CSMD1: variants seen among roughly 807,000 people sequenced by gnomAD.
The protein encoded by CSMD1 is CUB and Sushi multiple domains 1.
CSMD1 carries 213 observed loss-of-function variants against 417.5 expected under a neutral mutation model. The observed-to-expected ratio is 0.51, with a 90% CI of 0.46 to 0.57. The LOEUF (loss-of-function observed/expected upper bound fraction) is 0.57, where lower values mean the gene tolerates loss of function less well. CSMD1 is among the 20% of genes least tolerant of loss of function. The pLI is 0.00. For synonymous variants in CSMD1, 2,862 were observed against 1,736.8 expected, an observed-to-expected ratio of 1.65 and a Z score of -16.11; for missense variants, 6,923 against 4,529.7, an observed-to-expected ratio of 1.53 and a Z score of -15.17.
chr8:3,671,254 A>G (rs1799018789), intron 7 of CSMD1, among the ~76,000 whole-genome samples: 3 of 144,870 alleles, frequency 2.1e-5, no homozygotes, highest in Admixed American at 7.1e-5. Context: ...TGGGATATAT[A>G]TATGTATATA....
chr8:4,677,361 C>G (rs1805762877), intron 1 of CSMD1, among the ~76,000 whole-genome samples: 1 of 151,864 alleles, frequency 6.6e-6, no homozygotes, highest in South Asian at 2.1e-4. Flanking sequence ...ATTTATTTAT[C>G]TTGGATAATG....
intron 23 of CSMD1, among the ~76,000 whole-genome samples, chr8:3,326,605 C>A (rs989094663): frequency 2.6e-5 from 4 of 152,162 alleles, no homozygotes; most frequent in African/African-American, 9.7e-5. Flanking sequence ...CTAACGTAAA[C>A]CAGGAATTGT....
intron 2 of CSMD1, among the ~76,000 whole-genome samples, chr8:4,505,514 T>A (rs1802475204): frequency 6.6e-6 from 1 of 152,208 alleles, no homozygotes; most frequent in South Asian, 2.1e-4. Context: ...TTAATTTAAT[T>A]TTTCTGATTC....
chr8:3,025,398 T>C (rs1809793681), intron 51 of CSMD1, among the ~76,000 whole-genome samples: 1 of 151,764 alleles, frequency 6.6e-6, no homozygotes, highest in Non-Finnish European at 1.5e-5. Flanking sequence ...TGTGGTGTTA[T>C]TCTGAAACCG....
intron 3 of CSMD1, among the ~76,000 whole-genome samples, chr8:4,380,316 C>G (rs949851173): frequency 3.3e-5 from 5 of 152,124 alleles, no homozygotes; most frequent in Non-Finnish European, 7.4e-5. Context: ...ACAGTGATAG[C>G]ACACCCTCCT....
chr8:4,040,313 T>C (rs1176088499), intron 3 of CSMD1, among the ~76,000 whole-genome samples: 1 of 152,202 alleles, frequency 6.6e-6, no homozygotes, highest in African/African-American at 2.4e-5. Flanking sequence ...CCAAGTCGTT[T>C]ATATATATTG....
intron 3 of CSMD1, among the ~76,000 whole-genome samples, chr8:4,073,861 T>A (rs1799686267): frequency 6.6e-6 from 1 of 152,114 alleles, no homozygotes; most frequent in South Asian, 2.1e-4. Context: ...CAGTTTAAAT[T>A]CAGTAATATA....
chr8:3,241,332 A>G (rs1489673574), intron 26 of CSMD1, among the ~76,000 whole-genome samples: 1 of 151,684 alleles, frequency 6.6e-6, no homozygotes, highest in Non-Finnish European at 1.5e-5. Flanking sequence ...CAAGGGAAAC[A>G]GGTCCTTGAA....
At chr8:3,886,750 C>G (rs1340818972) in intron 5 of CSMD1, among the ~76,000 whole-genome samples, 3 of 152,142 alleles carry the variant, frequency 2.0e-5, no homozygotes, top group African/African-American at 2.4e-5. Flanking sequence ...CAGCCCTATT[C>G]TCTGCAGGAC....
At chr8:3,582,110 A>G (rs1170045788) in intron 9 of CSMD1, among the ~76,000 whole-genome samples, 3 of 152,220 alleles carry the variant, frequency 2.0e-5, no homozygotes, top group Non-Finnish European at 2.9e-5. Context: ...GTCTTTTCTG[A>G]TACTATTTTT....
chr8:4,705,849 TG>T (rs907061380), intron 1 of CSMD1, among the ~76,000 whole-genome samples: 5 of 152,242 alleles, frequency 3.3e-5, no homozygotes, highest in African/African-American at 1.2e-4. Flanking sequence ...CTGAGTGTCC[TG>T]GGGGCACTTT....
Position 3,376,761 on chromosome 8 carries a change from C to T in CSMD1, c.2783-7391G>A, listed in dbSNP as rs943375249. On this transcript the variant is annotated intron_variant, in intron 18 of 69. Coordinates refer to ENST00000635120, the MANE Select transcript of CSMD1 (RefSeq NM_033225.6). ...CACCCAGCACAGACACTGAGTTTAT[C>T]GTGTTTCATGTTGATATACAATATT... Among the ~76,000 whole-genome samples, 3 of 150,084 alleles carry T rather than the reference C, an allele frequency of 2.0e-5. No individual in the cohort carries two copies. The Admixed American group carries it at 2.0e-4, about 10-fold the overall frequency.
intron 30 of CSMD1, among the ~76,000 whole-genome samples, chr8:3,211,778 G>T (rs557209437): frequency 3.9e-5 from 6 of 152,340 alleles, no homozygotes; most frequent in African/African-American, 1.4e-4. Flanking sequence ...CCAGAAGGGA[G>T]GATCCTCAAG....
intron 1 of CSMD1, among the ~76,000 whole-genome samples, chr8:4,955,711 C>T (rs4347013): frequency 0.051 from 7,784 of 152,234 alleles, 349 homozygotes; most frequent in East Asian, 0.21. Context: ...CCACCTCGGC[C>T]TCCTAAAGTG....
At chr8:4,374,999 C>A (rs1222522261) in intron 3 of CSMD1, among the ~76,000 whole-genome samples, 2 of 133,684 alleles carry the variant, frequency 1.5e-5, no homozygotes, top group Non-Finnish European at 3.2e-5. Context: ...GGGCAAGGAG[C>A]AATAGTGGGG....
chr8:3,515,886 T>C (rs772809417), intron 10 of CSMD1, among the ~76,000 whole-genome samples: 1 of 152,302 alleles, frequency 6.6e-6, no homozygotes, highest in South Asian at 2.1e-4. Flanking sequence ...TCATAGCATA[T>C]CTTGAAATAG....
chr8:3,829,227 G>A (rs1802233373), intron 5 of CSMD1, among the ~76,000 whole-genome samples: 1 of 151,956 alleles, frequency 6.6e-6, no homozygotes, highest in Admixed American at 6.6e-5. Flanking sequence ...TCCTTCTTAT[G>A]CCTTTGCATC....
chr8:3,873,930 T>G (rs1330867798), intron 5 of CSMD1, among the ~76,000 whole-genome samples: 1 of 152,132 alleles, frequency 6.6e-6, no homozygotes, highest in African/African-American at 2.4e-5. Context: ...AGATCTGACT[T>G]TGGATTCTGA....
intron 10 of CSMD1, among the ~76,000 whole-genome samples, chr8:3,504,734 G>C (rs1452646766): frequency 6.6e-6 from 1 of 152,122 alleles, no homozygotes. Flanking sequence ...TATTGCAGTA[G>C]TGGTATTTTG....
Sources: allele counts gnomAD v4.1 joint callset (sites outside exome capture counted in the v4.1 genomes callset), GRCh38; gene constraint gnomAD v4.1.1; transcripts MANE v1.5; gene names NCBI Gene and HGNC (gene_info 2026-07-23, HGNC 2026-07-21).